The following OLAH variants were observed in gnomAD, a reference collection of about 807,000 sequenced individuals.
OLAH encodes the protein S-acyl fatty acid synthase thioesterase, medium chain.
In OLAH, 33 loss-of-function variants were observed where a neutral mutation model predicts 27.8. The ratio of observed to expected loss-of-function variants is 1.19; its 90% CI spans 0.90 to 1.59. OLAH has a LOEUF of 1.59. Among genes scored for constraint, OLAH ranks in the 40% most tolerant of loss-of-function variants. The probability of loss-of-function intolerance (pLI) is 0.00; values close to 1 mark genes in which losing one functional copy is unlikely to be tolerated. For missense variants in OLAH, 359 were observed against 310.8 expected (o/e 1.16, Z -1.17); for synonymous variants, 120 against 102.9 (o/e 1.17, Z -1.01).
At chr10:15,060,229 G>T (rs1272490948) in intron 3 of OLAH, among the ~76,000 whole-genome samples, 1 of 152,044 alleles carries the variant, frequency 6.6e-6, no homozygotes, top group Non-Finnish European at 1.5e-5. Context: ...GAGTGCAGTG[G>T]TATGATCTTG....
At chr10:15,062,437 G>A (rs1487352953) in intron 4 of OLAH, among the ~76,000 whole-genome samples, 4 of 151,966 alleles carry the variant, frequency 2.6e-5, no homozygotes, top group Non-Finnish European at 5.9e-5. Flanking sequence ...CTACTACCCA[G>A]ATAACAATGC....
chr10:15,061,670 C>T, intron 3 of OLAH, 54 bp from the exon 4 acceptor site: 1 of 1,442,714 alleles, frequency 6.9e-7, no homozygotes, highest in Non-Finnish European at 9.2e-7. Context: ...TTTATAACAT[C>T]ACAATATCTC....
At chr10:15,038,396 C>T (rs1214893354) in intron 1 of OLAH, among the ~76,000 whole-genome samples, 1 of 152,032 alleles carries the variant, frequency 6.6e-6, no homozygotes, top group East Asian at 1.9e-4. Flanking sequence ...GGGAGGGGTC[C>T]AGGGTGGAAT....
chr10:15,070,919 G>C (rs1844572153), intron 6 of OLAH, among the ~76,000 whole-genome samples: 1 of 151,584 alleles, frequency 6.6e-6, no homozygotes, highest in Non-Finnish European at 1.5e-5. Context: ...CCGAGTAGCT[G>C]GAACTACAAG....
chr10:15,062,042 T>C, intron 4 of OLAH, 180 bp downstream of exon 4: 1 of 525,538 alleles, frequency 1.9e-6, no homozygotes, highest in South Asian at 4.7e-5. Context: ...TATACCTATT[T>C]TTTTTCCTTT....
chr10:15,034,057 A>G (rs1333826344), intron 1 of OLAH, among the ~76,000 whole-genome samples: 1 of 151,876 alleles, frequency 6.6e-6, no homozygotes, highest in Non-Finnish European at 1.5e-5. Flanking sequence ...CAGGAGAGAA[A>G]GAGGTGGGGG....
intron 7 of OLAH, among the ~76,000 whole-genome samples, chr10:15,072,137 T>C (rs979296621): frequency 6.6e-6 from 1 of 152,196 alleles, no homozygotes; most frequent in African/African-American, 2.4e-5. Flanking sequence ...TTTCACCATG[T>C]TGGCCAGGCT....
At chr10:15,061,616 A>G in intron 3 of OLAH, 108 bp from the exon 4 acceptor site, 3 of 1,061,120 alleles carry the variant, frequency 2.8e-6, no homozygotes, top group Non-Finnish European at 3.9e-6. Flanking sequence ...AACTGTTATC[A>G]TTCATTTCTT....
At chr10:15,039,038 C>T (rs1485179642), upstream of OLAH, among the ~76,000 whole-genome samples, 1 of 152,044 alleles carries the variant, frequency 6.6e-6, no homozygotes, top group Non-Finnish European at 1.5e-5. Flanking sequence ...GCCTGGGCAA[C>T]ATAGAGAGAC....
chr10:15,056,268 A>G lies in OLAH; in HGVS notation c.164-5456A>G, dbSNP rs193198844. On this transcript the variant is annotated intron_variant, in intron 3 of 7. Coordinates refer to ENST00000378228, the MANE Select transcript of OLAH (RefSeq NM_001039702.3). ...TGCTATTAGTATAAACAGGGCTTCT[A>G]TGAGCATCTTATACATGTCTTCTTA... 3.0e-3 allele frequency among the ~76,000 whole-genome samples: 460 copies of G among 152,288 alleles called. 2 individuals are homozygous for G. The highest frequency in any genetic ancestry group is 0.01 in the African/African-American group (435 of 41,548).
At chr10:15,052,782 CCCCA>C (rs1844171601) in intron 3 of OLAH, among the ~76,000 whole-genome samples, 1 of 143,794 alleles carries the variant, frequency 7.0e-6, no homozygotes, top group Non-Finnish European at 1.5e-5. Context: ...AGGCCCCAGG[CCCCA>C]GGCCGGAGTG....
At chr10:15,034,135 A>T (rs1225617901) in intron 1 of OLAH, among the ~76,000 whole-genome samples, 2 of 131,026 alleles carry the variant, frequency 1.5e-5, no homozygotes, top group Admixed American at 1.6e-4. Flanking sequence ...TTTTTTTGAG[A>T]CGGAGTCTCG....
chr10:15,037,303 G>A (rs181554017), intron 1 of OLAH, among the ~76,000 whole-genome samples: 25 of 152,092 alleles, frequency 1.6e-4, no homozygotes, highest in Non-Finnish European at 3.1e-4. Flanking sequence ...CATAGAAGCC[G>A]GCTGCAGTGG....
rs1473378636 is a variant in OLAH at position 15,065,586 on chromosome 10, A to G, written c.405A>G (p.Ser135=). ...LFLSSATPVH[S]KAWHRIPKDD... ...TGTGTTGTTGTTCATGTTTCAAGTC[A>G]AAGGCCTGGCATCGCATTCCCAAAG... The change falls in exon 6 of 8, where the codon TCA becomes TCG. Residue 135 remains serine (S), a splice_region_variant and synonymous_variant. Transcript: ENST00000378228. 1.2e-6 allele frequency: 2 copies of G among 1,608,104 alleles called. No homozygotes were observed. The highest frequency in any genetic ancestry group is 8.5e-7 in the Non-Finnish European group (1 of 1,178,122).
At chr10:15,057,621 G>A (rs180805159) in intron 3 of OLAH, among the ~76,000 whole-genome samples, 1 of 151,918 alleles carries the variant, frequency 6.6e-6, no homozygotes, top group East Asian at 1.9e-4. Flanking sequence ...CCTGACTTCA[G>A]GTGATCCACC....
chr10:15,053,905 T>C (rs890587867), intron 3 of OLAH, among the ~76,000 whole-genome samples: 1 of 152,052 alleles, frequency 6.6e-6, no homozygotes, highest in Non-Finnish European at 1.5e-5. Context: ...ATTTTTGTTG[T>C]TGTTGTTTTT....
Position 15,071,893 on chromosome 10 carries a change from G to C in OLAH, c.655+16G>C, listed in dbSNP as rs1156688304. 4 of 1,577,224 alleles carry C rather than the reference G, an allele frequency of 2.5e-6. No homozygotes were observed. The highest frequency in any genetic ancestry group is 3.4e-5 in the Admixed American group (2 of 59,644). On this transcript the variant is annotated intron_variant, in intron 7 of 7. Transcript: ENST00000378228. ...GACATGGAAGGTGAAATTATTTTTA[G>C]TCTCGAGTATTGTATTGAAATATAT... is the stretch of plus-strand genomic sequence containing the variant.
chr10:15,060,454 G>A (rs1450578235), intron 3 of OLAH, among the ~76,000 whole-genome samples: 2 of 152,076 alleles, frequency 1.3e-5, no homozygotes, highest in African/African-American at 4.8e-5. Flanking sequence ...ACAGGTGTGA[G>A]CCACTATGCC....
At chr10:15,061,688 G>A (rs764221203) in intron 3 of OLAH, 36 bp from the exon 4 acceptor site, 2 of 1,542,900 alleles carry the variant, frequency 1.3e-6, no homozygotes, top group East Asian at 4.6e-5. Flanking sequence ...CTCATTCACT[G>A]TCTGTGCGTG....
Sources: gnomAD v4.1 joint callset for allele counts (sites outside exome capture counted in the v4.1 genomes callset) on GRCh38, gnomAD v4.1.1 for gene constraint, MANE v1.5 for transcripts, NCBI Gene and HGNC (gene_info 2026-07-23, HGNC 2026-07-21) for gene names.